The following LPP variants were observed in gnomAD, a reference collection of about 807,000 sequenced individuals.
LPP encodes the protein lipoma-preferred partner.
A neutral mutation model predicts 60.4 loss-of-function variants in LPP; 38 were observed. That is an observed-to-expected ratio of 0.63 (90% confidence interval 0.49 to 0.83). LPP has a LOEUF of 0.83. Among genes scored for constraint, LPP ranks in the 40% least tolerant of loss-of-function variants. The pLI is 0.00. For missense variants in LPP, 902 were observed against 783.6 expected (o/e 1.15, Z -1.80); for synonymous variants, 328 against 290.8 (o/e 1.13, Z -1.30).
At chr3:188,486,348 C>A (rs1806511642) in intron 5 of LPP, among the ~76,000 whole-genome samples, 1 of 152,078 alleles carries the variant, frequency 6.6e-6, no homozygotes, top group African/African-American at 2.4e-5. Context: ...GCAAAAAAGA[C>A]AGACACCACT....
At chr3:188,477,216 G>A (rs959267692) in intron 4 of LPP, among the ~76,000 whole-genome samples, 18 of 152,198 alleles carry the variant, frequency 1.2e-4, no homozygotes, top group Non-Finnish European at 2.4e-4. Context: ...TTGCTTTAGA[G>A]TCAAGAAGTA....
intron 9 of LPP, among the ~76,000 whole-genome samples, chr3:188,792,807 CTT>C (rs1422248737): frequency 6.6e-6 from 1 of 152,114 alleles, no homozygotes; most frequent in Non-Finnish European, 1.5e-5. Flanking sequence ...GATCACAAGA[CTT>C]TTGGAATACT....
At chr3:188,411,274 A>C (rs953211243) in intron 4 of LPP, among the ~76,000 whole-genome samples, 1 of 152,162 alleles carries the variant, frequency 6.6e-6, no homozygotes, top group African/African-American at 2.4e-5. Context: ...AAATGTTGGC[A>C]TAGATATGGT....
At chr3:188,432,916 C>T (rs1216345484) in intron 4 of LPP, among the ~76,000 whole-genome samples, 2 of 152,132 alleles carry the variant, frequency 1.3e-5, no homozygotes, top group East Asian at 3.9e-4. Flanking sequence ...ATTTAGCAAA[C>T]ATCCATTAAG....
At chr3:188,499,609 T>C (rs2149847888) in intron 5 of LPP, among the ~76,000 whole-genome samples, 1 of 152,320 alleles carries the variant, frequency 6.6e-6, no homozygotes, top group East Asian at 1.9e-4. Context: ...TCATATTCCA[T>C]ATGAATTTTA....
intron 5 of LPP, 95 bp from the exon 6 acceptor site, chr3:188,524,570 C>A: frequency 1.5e-6 from 2 of 1,330,516 alleles, no homozygotes; most frequent in Non-Finnish European, 2.0e-6. Flanking sequence ...TGCAGAAAAA[C>A]TTGGACAAAG....
chr3:188,769,252 A>G (rs1036755604), intron 9 of LPP, among the ~76,000 whole-genome samples: 2 of 152,192 alleles, frequency 1.3e-5, no homozygotes, highest in Non-Finnish European at 2.9e-5. Flanking sequence ...ACTTTAATAG[A>G]CATTCGTATT....
At chr3:188,764,721 G>A (rs1733460171) in intron 9 of LPP, among the ~76,000 whole-genome samples, 1 of 152,142 alleles carries the variant, frequency 6.6e-6, no homozygotes, top group African/African-American at 2.4e-5. Flanking sequence ...AGGAGTCTGG[G>A]CCTAGGGACA....
intron 3 of LPP, among the ~76,000 whole-genome samples, chr3:188,389,015 G>T (rs1032429169): frequency 2.0e-5 from 3 of 152,126 alleles, no homozygotes; most frequent in African/African-American, 7.2e-5. Context: ...CGTGTCCCAT[G>T]GTGAATTTTA....
At chr3:188,683,367 G>A (rs1859954347) in intron 7 of LPP, among the ~76,000 whole-genome samples, 1 of 151,988 alleles carries the variant, frequency 6.6e-6, no homozygotes, top group Non-Finnish European at 1.5e-5. Flanking sequence ...AGAACCCTAT[G>A]TGCTCCTTTT....
chr3:188,431,932 C>A (rs1790993940), intron 4 of LPP, among the ~76,000 whole-genome samples: 1 of 152,192 alleles, frequency 6.6e-6, no homozygotes, highest in Admixed American at 6.6e-5. Context: ...GTATATTCCT[C>A]TGACAACCCC....
At chr3:188,454,006 T>C (rs1797189563) in intron 4 of LPP, among the ~76,000 whole-genome samples, 1 of 152,170 alleles carries the variant, frequency 6.6e-6, no homozygotes, top group Non-Finnish European at 1.5e-5. Flanking sequence ...TTGAATAAGG[T>C]GTAATGTTTT....
intron 4 of LPP, among the ~76,000 whole-genome samples, chr3:188,451,615 A>G (rs1259049731): frequency 8.5e-5 from 13 of 152,206 alleles, no homozygotes; most frequent in Non-Finnish European, 7.3e-5. Context: ...TACTCAAGCA[A>G]ACATTTAATT....
At chr3:188,531,767 C>T (rs1366243022) in intron 6 of LPP, among the ~76,000 whole-genome samples, 1 of 152,078 alleles carries the variant, frequency 6.6e-6, no homozygotes, top group East Asian at 1.9e-4. Context: ...TTTATCGTAT[C>T]CTCTATAATA....
intron 1 of LPP, among the ~76,000 whole-genome samples, chr3:188,205,764 G>A (rs1160570934): frequency 6.6e-6 from 1 of 152,174 alleles, no homozygotes; most frequent in African/African-American, 2.4e-5. Flanking sequence ...AGCTCAGAAG[G>A]CTGGTGGTTT....
At chr3:188,474,315 C>A (rs1165604578) in intron 4 of LPP, among the ~76,000 whole-genome samples, 1 of 148,138 alleles carries the variant, frequency 6.8e-6, no homozygotes, top group Non-Finnish European at 1.5e-5. Flanking sequence ...ATTAAGCTAA[C>A]AAAGAGCAGA....
intron 6 of LPP, among the ~76,000 whole-genome samples, chr3:188,589,114 G>GT (rs548264354): frequency 3.3e-5 from 5 of 151,570 alleles, no homozygotes; most frequent in Admixed American, 2.6e-4. Flanking sequence ...GGGAGAGGGT[G>GT]TTTTTTTATA....
At chr3:188,755,526 T>C (rs989394209) in intron 8 of LPP, among the ~76,000 whole-genome samples, 14 of 152,130 alleles carry the variant, frequency 9.2e-5, no homozygotes, top group African/African-American at 2.7e-4. Context: ...CAACCCAGCC[T>C]GGTGCAGTGG....
In LPP at chr3:188,523,017, C is replaced by G. The variant is rs771507727; in HGVS notation, c.307-1648C>G. Among the ~76,000 whole-genome samples the G allele has an allele frequency of 5.2e-4, 79 of 152,008 alleles. 1 individual carries two copies. Among genetic ancestry groups the G allele is most frequent in the Non-Finnish European group, 1.0e-4 (7 of 67,976 alleles). ...CCGCCTCTAGGGCTCAAGCTATTCTCCTGCCTCAGCCTCCCAAGTATCTGG... is the reference window on the plus strand; with the variant it reads ...CCGCCTCTAGGGCTCAAGCTATTCTGCTGCCTCAGCCTCCCAAGTATCTGG... On this transcript the variant is annotated intron_variant, in intron 5 of 11. Transcript: ENST00000617246.
Sources: gnomAD v4.1 joint callset for allele counts (sites outside exome capture counted in the v4.1 genomes callset) on GRCh38, gnomAD v4.1.1 for gene constraint, MANE v1.5 for transcripts, NCBI Gene and HGNC (gene_info 2026-07-23, HGNC 2026-07-21) for gene names.